The following ROS1 variants were observed in gnomAD, a reference collection of about 807,000 sequenced individuals.
ROS1 encodes proto-oncogene tyrosine-protein kinase ROS.
Under a neutral mutation model 273.5 loss-of-function variants are expected in ROS1, and 263 were observed. That is an observed-to-expected ratio of 0.96 (90% CI 0.87 to 1.06). The LOEUF (loss-of-function observed/expected upper bound fraction) is 1.06, where lower values mean the gene tolerates loss of function less well. Among genes scored for constraint, ROS1 ranks in the 50% least tolerant of loss-of-function variants. ROS1 has a pLI of 0.00. For synonymous variants in ROS1, 1,008 were observed against 954.1 expected (o/e 1.06, Z -1.04); for missense variants, 2,833 against 2,751.1 (o/e 1.03, Z -0.67).
In ROS1 at chr6:117,409,684, A is replaced by C. The variant is rs370385605; in HGVS notation, c.256-42T>G. On this transcript the variant is annotated intron_variant, in intron 4 of 43. Coordinates refer to ENST00000368507, the MANE Select transcript of ROS1 (RefSeq NM_001378902.1). ...GCATGACAGTCAGGGCAGCCTTGAT[A>C]CTGGTTTTGCTGATAAGCTTCAACT... 2.6e-5 allele frequency: 40 copies of C among 1,531,100 alleles called. No individual in the cohort carries two copies. The African/African-American group carries it at 5.2e-4, about 20-fold the overall frequency. 94.8% of individuals were successfully genotyped at this position (1,531,100 alleles called of 1,614,324 possible).
chr6:117,376,168 G>A (rs1442209684), intron 18 of ROS1, among the ~76,000 whole-genome samples: 1 of 152,022 alleles, frequency 6.6e-6, no homozygotes. Flanking sequence ...AGAAAAAAAT[G>A]TACCAATAGC....
chr6:117,316,693 A>G (rs563671190), intron 39 of ROS1, among the ~76,000 whole-genome samples: 20 of 152,248 alleles, frequency 1.3e-4, no homozygotes, highest in African/African-American at 4.6e-4. Flanking sequence ...CGAAATCAAG[A>G]GCTCCGTTTG....
At chr6:117,307,557 AT>A (rs942539131) in intron 42 of ROS1, among the ~76,000 whole-genome samples, 3 of 151,938 alleles carry the variant, frequency 2.0e-5, no homozygotes, top group South Asian at 2.1e-4. Context: ...AATTTATATA[AT>A]TTTTCCCCAT....
chr6:117,397,711 C>T (rs985517226), intron 7 of ROS1, among the ~76,000 whole-genome samples: 18 of 152,206 alleles, frequency 1.2e-4, no homozygotes. Flanking sequence ...AGCACCCCTG[C>T]CCTGGCAAAG....
Position 117,416,318 on chromosome 6 carries a change from C to CTGCAAGAGACAATAACAGACAAT in ROS1, c.169-24_169-2dup, listed in dbSNP as rs1775328136. On this transcript the variant is annotated splice_acceptor_variant, in intron 2 of 43. Coordinates refer to ENST00000368507, the MANE Select transcript of ROS1 (RefSeq NM_001378902.1). LOFTEE classifies it high-confidence loss of function. ...TCCAAAAGTGACATCCTTGGATACA[C>CTGCAAGAGACAATAACAGACAAT]TGCAAGAGACAATAACAGACAATGG... is the stretch of plus-strand genomic sequence containing the variant. 6.3e-7 allele frequency: 1 copy of CTGCAAGAGACAATAACAGACAAT among 1,594,976 alleles called. No homozygotes were observed. Among genetic ancestry groups the CTGCAAGAGACAATAACAGACAAT allele is most frequent in the South Asian group, 1.1e-5 (1 of 90,676 alleles).
Position 117,309,935 on chromosome 6 carries a change from A to T in ROS1, c.6416+146T>A, listed in dbSNP as rs1168578677. ...AGGAATAGTACCACCTTGACCACCA[A>T]CTCTCACTTTAGCTTGAGGCAAATC... On this transcript the variant is annotated intron_variant, in intron 41 of 43. Transcript: ENST00000368507. The T allele has an allele frequency of 4.2e-6, 3 of 722,562 alleles. No individual in the cohort carries two copies. The East Asian group carries it at 7.5e-5, about 18-fold the overall frequency. 44.8% of individuals were successfully genotyped at this position (722,562 alleles called of 1,614,324 possible).
chr6:117,355,497 A>G (rs78744951), intron 26 of ROS1, among the ~76,000 whole-genome samples: 262 of 152,376 alleles, frequency 1.7e-3, no homozygotes, highest in African/African-American at 6.1e-3. Flanking sequence ...AGTGATGATG[A>G]AAACGTTTTA....
At position 117,308,855 on chromosome 6, in the gene ROS1, C is replaced by T. The variant is rs2128546089; in HGVS notation, c.6490G>A (p.Val2164Met). The change falls in exon 42 of 44, where the codon GTG (valine) becomes ATG (methionine). Residue 2164 changes from valine to methionine, a missense_variant. By Grantham distance (21) the Val-to-Met change is conservative (BLOSUM62 1). Transcript: ENST00000368507. ...QPYPAHSNLD[V>M]LNYVQTGGRL... ...CCTCCTGTTTGCACATAGTTTAACA[C>T]ATCAAGGTTGGAATGAGCTGGATAA... The T allele has an allele frequency of 3.7e-6, 6 of 1,613,464 alleles. No individual in the cohort carries two copies. The highest frequency in any genetic ancestry group is 5.1e-6 in the Non-Finnish European group (6 of 1,179,616).
intron 33 of ROS1, among the ~76,000 whole-genome samples, chr6:117,328,021 C>T (rs576993592): frequency 6.6e-6 from 1 of 152,182 alleles, no homozygotes; most frequent in African/African-American, 2.4e-5. Flanking sequence ...AGACTTCTAA[C>T]CTCTAGAGCT....
chr6:117,410,252 A>T (rs1302622915), intron 4 of ROS1, among the ~76,000 whole-genome samples: 6 of 152,176 alleles, frequency 3.9e-5, no homozygotes, highest in Non-Finnish European at 8.8e-5. Context: ...AAAAACACTG[A>T]GCTTAGCAGT....
At chr6:117,390,584 A>T (rs572081633) in intron 12 of ROS1, among the ~76,000 whole-genome samples, 1 of 152,388 alleles carries the variant, frequency 6.6e-6, no homozygotes, top group East Asian at 1.9e-4. Context: ...GATAAATGGA[A>T]GAAAGTAAAA....
At position 117,386,883 on chromosome 6, in the gene ROS1, G is replaced by A; in HGVS notation, c.2110+6C>T. The A allele has an allele frequency of 1.4e-6, 2 of 1,478,064 alleles. No individual in the cohort carries two copies. Among genetic ancestry groups the A allele is most frequent in the South Asian group, 1.2e-5 (1 of 86,064 alleles). 91.6% of individuals were successfully genotyped at this position (1,478,064 alleles called of 1,614,324 possible). Reference sequence around the variant, plus strand: ...CATTCAAGTGAACAGAGGACTTGGGGTTTACCTGACACATTTCCTATATCA... The same window carrying A: ...CATTCAAGTGAACAGAGGACTTGGGATTTACCTGACACATTTCCTATATCA... On this transcript the variant is annotated splice_donor_region_variant and intron_variant, in intron 15 of 43. Transcript: ENST00000368507.
intron 40 of ROS1, 41 bp downstream of exon 40, chr6:117,310,979 C>T (rs2128549630): frequency 7.9e-7 from 1 of 1,269,878 alleles, no homozygotes; most frequent in Non-Finnish European, 1.1e-6. Flanking sequence ...GATTATTGTG[C>T]CAATATCCGT....
At chr6:117,397,980 CTT>C (rs995406366) in intron 7 of ROS1, among the ~76,000 whole-genome samples, 14 of 152,296 alleles carry the variant, frequency 9.2e-5, no homozygotes, top group Admixed American at 2.0e-4. Flanking sequence ...TCACCACTGA[CTT>C]TTAAAAGCCC....
chr6:117,330,050 A>C (rs564408044), intron 32 of ROS1, among the ~76,000 whole-genome samples: 14 of 152,140 alleles, frequency 9.2e-5, no homozygotes, highest in Non-Finnish European at 1.2e-4. Flanking sequence ...GGGACTCCCA[A>C]CTGCCTAACA....
At chr6:117,306,333 C>T (rs534175017) in intron 42 of ROS1, among the ~76,000 whole-genome samples, 1 of 152,182 alleles carries the variant, frequency 6.6e-6, no homozygotes, top group South Asian at 2.1e-4. Context: ...TGTTCTCCCA[C>T]GGTTGCCTCC....
At position 117,357,885 on chromosome 6, in the gene ROS1, T is replaced by A. The variant is rs769474033; in HGVS notation, c.3758A>T (p.His1253Leu). Reference sequence around the variant, plus strand: ...CACCTCTCTGGGATATTTCACCTTGTGTTCAAGATCAACATCAAATACTTG... The same window carrying A: ...CACCTCTCTGGGATATTTCACCTTGAGTTCAAGATCAACATCAAATACTTG... ...GMQVFDVDLE[H>L]KVKYPREVKI... The change falls in exon 25 of 44, where the codon CAC becomes CTC. Residue 1253 changes from histidine to leucine, a missense_variant. By Grantham distance (99) the His-to-Leu change is moderately conservative. Transcript: ENST00000368507. The A allele has an allele frequency of 3.1e-6, 5 of 1,613,696 alleles. No homozygotes were observed. The South Asian group carries it at 4.4e-5, about 14-fold the overall frequency.
intron 26 of ROS1, among the ~76,000 whole-genome samples, chr6:117,353,782 G>T (rs1779072430): frequency 6.6e-6 from 1 of 152,144 alleles, no homozygotes; most frequent in Non-Finnish European, 1.5e-5. Context: ...AAGGGATCTG[G>T]CTTAATAATA....
rs1310552526 is a variant in ROS1, at chr6:117,389,607, C to T, written c.1529G>A (p.Ser510Asn). The T allele has an allele frequency of 6.2e-7, 1 of 1,614,190 alleles. No homozygotes were observed. Among genetic ancestry groups the T allele is most frequent in the South Asian group, 1.1e-5 (1 of 91,084 alleles). Residue 510 changes from serine (S) to asparagine (N), a missense_variant, in exon 13 of 44, where the codon AGT becomes AAT. Ser to Asn is a conservative substitution (Grantham distance 46). Transcript: ENST00000368507. ...AAAGTCATTGTTTTCACAAGCAAAA[C>T]TTTTCACATCAGCAAAGGGGATGCG... is the stretch of plus-strand genomic sequence containing the variant. ...LPRIPFADVK[S>N]FACENNDFLV...
Sources: gnomAD v4.1 joint callset for allele counts (sites outside exome capture counted in the v4.1 genomes callset) on GRCh38, gnomAD v4.1.1 for gene constraint, MANE v1.5 for transcripts, NCBI Gene and HGNC (gene_info 2026-07-23, HGNC 2026-07-21) for gene names.